The following KANTR variants were observed in gnomAD, a reference collection of about 807,000 sequenced individuals.
The protein encoded by KANTR is KDM5C adjacent transcript.
chrX:53,142,761 G>C (rs1192188017), downstream of KANTR: 1 of 452,528 alleles, frequency 2.2e-6, no homozygotes, highest in Non-Finnish European at 4.1e-6. Flanking sequence ...ATTTGCGGTA[G>C]ACAATGGAGG....
intron 2 of KANTR, among the ~76,000 whole-genome samples, chrX:53,113,602 G>A (rs1933076548): frequency 2.4e-5 from 2 of 82,306 alleles, no homozygotes; most frequent in African/African-American, 9.7e-5. Flanking sequence ...GTGGAGTCTC[G>A]CTCTGTCACC....
chrX:53,106,196 GTTCTT>G (rs1331345019), intron 2 of KANTR, among the ~76,000 whole-genome samples: 1 of 109,770 alleles, frequency 9.1e-6, no homozygotes, highest in Non-Finnish European at 1.9e-5. Context: ...CATTCTGTGG[GTTCTT>G]TTCATTTTAT....
chrX:53,144,192 C>T (rs1217697731), downstream of KANTR, among the ~76,000 whole-genome samples: 2 of 111,358 alleles, frequency 1.8e-5, no homozygotes, highest in African/African-American at 3.3e-5. Context: ...GCCAGGAGTT[C>T]GAGACCAGCT....
downstream of KANTR, among the ~76,000 whole-genome samples, chrX:53,129,102 C>T (rs1273530386): frequency 3.5e-5 from 3 of 84,821 alleles, no homozygotes; most frequent in Non-Finnish European, 6.5e-5. Context: ...GAGTCTCACT[C>T]TGTCACCCAG....
intron 2 of KANTR, among the ~76,000 whole-genome samples, chrX:53,119,061 T>G (rs199990084): frequency 6.4e-5 from 4 of 62,607 alleles, no homozygotes; most frequent in African/African-American, 1.4e-4. Flanking sequence ...TTTTTTTTTT[T>G]TGTGAGACGG....
chrX:53,130,515 G>C (rs1933347959), downstream of KANTR, among the ~76,000 whole-genome samples: 1 of 112,178 alleles, frequency 8.9e-6, no homozygotes, highest in African/African-American at 3.2e-5. Flanking sequence ...TGTCTAGCAG[G>C]CATTCTGGTT....
chrX:53,143,885 A>G (rs781820604), downstream of KANTR: 2 of 440,700 alleles, frequency 4.5e-6, no homozygotes, highest in Non-Finnish European at 8.5e-6. Context: ...GCCATTGTCA[A>G]TGATGAGCGC....
chrX:53,141,380 T>C (rs782717215), intron 2 of KANTR, among the ~76,000 whole-genome samples: 2 of 111,485 alleles, frequency 1.8e-5, no homozygotes, highest in Non-Finnish European at 3.8e-5. Flanking sequence ...CTCATCATGA[T>C]ACTTTGTTGG....
At chrX:53,139,159 T>G (rs1933465773) in intron 2 of KANTR, among the ~76,000 whole-genome samples, 1 of 105,718 alleles carries the variant, frequency 9.5e-6, no homozygotes, top group African/African-American at 3.6e-5. Flanking sequence ...AGGCAGAGGT[T>G]GCAGTGAGCC....
intron 2 of KANTR, among the ~76,000 whole-genome samples, 157 bp from the exon 3 acceptor site, chrX:53,123,312 A>G (rs1341921120): frequency 2.7e-5 from 3 of 111,362 alleles, no homozygotes; most frequent in African/African-American, 9.8e-5. Flanking sequence ...TGTTTCAAAG[A>G]TATTTAACAA....
intron 2 of KANTR, among the ~76,000 whole-genome samples, chrX:53,104,770 G>T (rs1932928197): frequency 8.9e-6 from 1 of 111,849 alleles, no homozygotes; most frequent in Non-Finnish European, 1.9e-5. Flanking sequence ...TCTGTCATAT[G>T]GATCTACCTC....
chrX:53,122,653 G>A (rs1244266505), intron 2 of KANTR, among the ~76,000 whole-genome samples: 4 of 111,144 alleles, frequency 3.6e-5, no homozygotes, highest in African/African-American at 1.3e-4. Flanking sequence ...ATAATGAAAG[G>A]GTGTTGAATT....
intron 2 of KANTR, among the ~76,000 whole-genome samples, chrX:53,114,552 G>C (rs1292195845): frequency 8.9e-6 from 1 of 112,364 alleles, no homozygotes; most frequent in Non-Finnish European, 1.9e-5. Context: ...CTGGTGTCTG[G>C]GTCAGCAGGT....
At chrX:53,098,065 A>AAG (rs1556811236) in intron 1 of KANTR, among the ~76,000 whole-genome samples, 5 of 107,708 alleles carry the variant, frequency 4.6e-5, no homozygotes, top group African/African-American at 1.7e-4. Flanking sequence ...AAAAAAAAAA[A>AAG]AAAAAGAAAG....
chrX:53,118,029 C>T (rs917826226), intron 2 of KANTR, among the ~76,000 whole-genome samples: 4 of 111,872 alleles, frequency 3.6e-5, no homozygotes, highest in African/African-American at 1.3e-4. Flanking sequence ...CTTGGGTGAC[C>T]ATAAGACAAA....
Position 53,117,324 on chromosome X carries a change from G to A in KANTR, c.-804-6145G>A, listed in dbSNP as rs1272899675. ...AACAATATATACATTATATACACAAGTTATAAGTATAATAATATGAAAACC... is the reference window on the plus strand; with the variant it reads ...AACAATATATACATTATATACACAAATTATAAGTATAATAATATGAAAACC... On this transcript the variant is annotated intron_variant, in intron 2 of 2. Coordinates refer to ENST00000604062, the Ensembl canonical transcript of KANTR. 2.7e-5 allele frequency among the ~76,000 whole-genome samples: 3 copies of A among 110,339 alleles called. No homozygotes were observed. The Admixed American group carries it at 2.9e-4, about 11-fold the overall frequency.
intron 2 of KANTR, chrX:53,113,013 T>C (rs782685377): frequency 1.1e-3 from 171 of 158,401 alleles, no homozygotes; most frequent in Non-Finnish European, 1.7e-3. Flanking sequence ...GATATCCCAC[T>C]CAGGGGATAT....
chrX:53,142,311 T>C, exon 3 of KANTR: 1 of 102,663 alleles, frequency 9.7e-6, no homozygotes, highest in Non-Finnish European at 1.8e-5. Context: ...CAACTTTCTG[T>C]GTATGTTTTT....
At chrX:53,145,298 C>T (rs782215074), downstream of KANTR, among the ~76,000 whole-genome samples, 40 of 111,868 alleles carry the variant, frequency 3.6e-4, no homozygotes, top group East Asian at 9.6e-3. Flanking sequence ...TCGGGTCACT[C>T]CCACCCTAAT....
Sources: allele counts gnomAD v4.1 joint callset (sites outside exome capture counted in the v4.1 genomes callset), GRCh38; gene constraint gnomAD v4.1.1; transcripts MANE v1.5; gene names NCBI Gene and HGNC (gene_info 2026-07-23, HGNC 2026-07-21).